QSER1: variants seen among roughly 807,000 people sequenced by gnomAD.
QSER1 encodes the protein glutamine and serine-rich protein 1.
A neutral mutation model predicts 158.5 loss-of-function variants in QSER1; 49 were observed. The observed-to-expected ratio is 0.31, with a 90% CI of 0.25 to 0.39. The LOEUF (loss-of-function observed/expected upper bound fraction) is 0.39. QSER1 is among the 10% of genes least tolerant of loss of function. QSER1 has a pLI of 1.00. For synonymous variants in QSER1, 650 were observed against 715.5 expected, an observed-to-expected ratio of 0.91 and a Z score of 1.46; for missense variants, 1,754 against 2,010.3, an observed-to-expected ratio of 0.87 and a Z score of 2.44.
At chr11:32,975,394 G>T in intron 12 of QSER1, 51 bp downstream of exon 12, 1 of 1,597,790 alleles carries the variant, frequency 6.3e-7, no homozygotes, top group South Asian at 1.1e-5. Flanking sequence ...ATGTTAAGGA[G>T]ACTCTAGCCA....
intron 1 of QSER1, chr11:32,926,178 T>C (rs1851967747): frequency 6.6e-6 from 1 of 150,754 alleles, no homozygotes; most frequent in Admixed American, 6.7e-5. Context: ...AGGGGTTGGG[T>C]GAAGGCACTG....
intron 5 of QSER1, among the ~76,000 whole-genome samples, chr11:32,954,831 G>A (rs1852484471): frequency 6.6e-6 from 1 of 152,126 alleles, no homozygotes; most frequent in Non-Finnish European, 1.5e-5. Context: ...ATGAGCCACT[G>A]CATACAGCCA....
In QSER1 at chr11:32,932,126, C is replaced by A; in HGVS notation, c.868C>A (p.Gln290Lys). The A allele has an allele frequency of 6.2e-7, 1 of 1,614,182 alleles. No homozygotes were observed. The highest frequency in any genetic ancestry group is 8.5e-7 in the Non-Finnish European group (1 of 1,180,026). Residue 290 changes from glutamine (Q) to lysine (K), a missense_variant, in exon 4 of 13, where the codon CAG becomes AAG. Around this residue, in one of 2 missense-constraint regions of QSER1, gnomAD observed 1,707 missense variants for 1,919.6 expected, o/e 0.89. Coordinates refer to ENST00000650167, the MANE Select transcript of QSER1 (RefSeq NM_001076786.3). The stretch of plus-strand genomic sequence containing the variant: ...GCCTTCAGCACTTGGGGGATCCCAG[C>A]AGACTCCTCAAGCCTACAGTTCAAC... Reference protein sequence around the residue: ...LLPSALGGSQQTPQAYSSTLF... With the variant: ...LLPSALGGSQKTPQAYSSTLF...
At chr11:32,902,659 A>T (rs766966457) in intron 1 of QSER1, among the ~76,000 whole-genome samples, 2 of 152,190 alleles carry the variant, frequency 1.3e-5, no homozygotes, top group Non-Finnish European at 2.9e-5. Flanking sequence ...GGACATGTGT[A>T]TAGAGACAAT....
intron 1 of QSER1, among the ~76,000 whole-genome samples, chr11:32,903,991 C>T (rs1339804629): frequency 6.6e-6 from 1 of 152,146 alleles, no homozygotes; most frequent in Non-Finnish European, 1.5e-5. Flanking sequence ...GGTTAACTTG[C>T]TTACAGGAAA....
In QSER1 at chr11:32,976,495, C is replaced by A; in HGVS notation, c.*21C>A. The stretch of plus-strand genomic sequence containing the variant: ...CCTGACTTTTCCACAAAAATCCCAT[C>A]TTTTTATAGCACTAATGAAATGGCA... On this transcript the variant is annotated 3_prime_UTR_variant, in exon 13 of 13. Transcript: ENST00000650167. 1 of 1,609,476 alleles carries A rather than the reference C, an allele frequency of 6.2e-7. No individual in the cohort carries two copies. The highest frequency in any genetic ancestry group is 1.7e-4 in the Middle Eastern group (1 of 6,048).
chr11:32,957,134 C>CTTTCTTTTTTTTTTTTTTTTTT (rs1852529932), intron 7 of QSER1, among the ~76,000 whole-genome samples: 1 of 127,874 alleles, frequency 7.8e-6, no homozygotes. Flanking sequence ...CTTTTTTTTT[C>CTTTCTTTTTTTTTTTTTTTTTT]TTTTTTTTTT....
chr11:32,966,333 T>C lies in QSER1; in HGVS notation c.5003T>C (p.Phe1668Ser). 6.2e-7 allele frequency: 1 copy of C among 1,614,088 alleles called. No homozygotes were observed. The highest frequency in any genetic ancestry group is 8.5e-7 in the Non-Finnish European group (1 of 1,179,958). ...FEPPAPFVTR[F>S]LNTRAMKETF... ...CCTCCCGCTCCCTTTGTCACTCGCT[T>C]TTTGAACACAAGAGCAATGAAGGAA... Residue 1668 changes from phenylalanine to serine, a missense_variant, in exon 9 of 13, where the codon TTT (phenylalanine) becomes TCT (serine). Physicochemically the swap from Phe to Ser is radical, Grantham distance 155. Around this residue, in one of 2 missense-constraint regions of QSER1, gnomAD observed 1,707 missense variants for 1,919.6 expected, o/e 0.89. Transcript: ENST00000650167.
intron 4 of QSER1, among the ~76,000 whole-genome samples, chr11:32,943,534 A>G (rs1019257996): frequency 1.1e-4 from 16 of 150,246 alleles, no homozygotes; most frequent in Non-Finnish European, 2.1e-4. Flanking sequence ...GCTGGATTAC[A>G]TTTATTGATT....
chr11:32,924,433 G>A (rs764197177), intron 1 of QSER1, among the ~76,000 whole-genome samples: 6 of 151,748 alleles, frequency 4.0e-5, no homozygotes, highest in Non-Finnish European at 7.4e-5. Context: ...GGTGGTGCAC[G>A]CCTATGGTCC....
intron 1 of QSER1, among the ~76,000 whole-genome samples, chr11:32,923,922 C>T (rs562137511): frequency 3.5e-4 from 54 of 152,180 alleles, no homozygotes; most frequent in Non-Finnish European, 5.1e-4. Flanking sequence ...GAACTGAGAT[C>T]GCACCACTGC....
chr11:32,960,304 C>T (rs1590182072), intron 8 of QSER1, among the ~76,000 whole-genome samples: 2 of 152,170 alleles, frequency 1.3e-5, no homozygotes, highest in African/African-American at 4.8e-5. Flanking sequence ...TGCCTGCAAT[C>T]CCAGCACTTT....
chr11:32,912,673 T>C (rs1374050933), intron 1 of QSER1, among the ~76,000 whole-genome samples: 1 of 151,236 alleles, frequency 6.6e-6, no homozygotes, highest in African/African-American at 2.4e-5. Flanking sequence ...CATTAGGAGG[T>C]GGAGGTGGAA....
At chr11:32,936,370 C>T (rs1456025158) in intron 4 of QSER1, among the ~76,000 whole-genome samples, 2 of 152,118 alleles carry the variant, frequency 1.3e-5, no homozygotes, top group East Asian at 3.9e-4. Flanking sequence ...ATGAACTCAT[C>T]CTTTTTTATG....
intron 1 of QSER1, among the ~76,000 whole-genome samples, chr11:32,912,663 C>T (rs533697970): frequency 6.6e-6 from 1 of 152,176 alleles, no homozygotes; most frequent in African/African-American, 2.4e-5. Flanking sequence ...AATCCCAGCA[C>T]ATTAGGAGGT....
chr11:32,967,367 G>A (rs1852768902), intron 9 of QSER1, among the ~76,000 whole-genome samples: 2 of 152,014 alleles, frequency 1.3e-5, no homozygotes, highest in African/African-American at 4.8e-5. Context: ...AACTACTTAT[G>A]GGGTACAATG....
intron 4 of QSER1, among the ~76,000 whole-genome samples, chr11:32,950,600 G>A (rs886949593): frequency 2.0e-5 from 3 of 152,128 alleles, no homozygotes; most frequent in Non-Finnish European, 2.9e-5. Context: ...CATTTAAAGT[G>A]TACAGTTCAG....
At chr11:32,965,331 T>A (rs1181067331) in intron 8 of QSER1, among the ~76,000 whole-genome samples, 1 of 151,940 alleles carries the variant, frequency 6.6e-6, no homozygotes, top group Non-Finnish European at 1.5e-5. Flanking sequence ...CCCAAGCTGG[T>A]CTCAAACTCC....
chr11:32,927,728 G>A (rs1253690427), intron 2 of QSER1, among the ~76,000 whole-genome samples: 2 of 152,030 alleles, frequency 1.3e-5, no homozygotes, highest in African/African-American at 2.4e-5. Flanking sequence ...TTTTACCAAC[G>A]GAATATTTAT....
Sources: gnomAD v4.1 joint callset for allele counts (sites outside exome capture counted in the v4.1 genomes callset) on GRCh38, gnomAD v4.1.1 for gene constraint, gnomAD v4.1.1 regional missense constraint, MANE v1.5 for transcripts, NCBI Gene and HGNC (gene_info 2026-07-23, HGNC 2026-07-21) for gene names.